The following VPS54 variants were observed in gnomAD, a reference collection of about 807,000 sequenced individuals.
VPS54 encodes the protein vacuolar protein sorting-associated protein 54.
A neutral mutation model predicts 121.5 loss-of-function variants in VPS54; 45 were observed. That is an observed-to-expected ratio of 0.37 (90% confidence interval 0.29 to 0.47). The LOEUF is 0.47. Among genes scored for constraint, VPS54 ranks in the 20% least tolerant of loss-of-function variants. The probability of loss-of-function intolerance (pLI) is 0.99; values close to 1 mark genes in which losing one functional copy is unlikely to be tolerated. For missense variants in VPS54, 1,090 were observed against 1,131.4 expected, an observed-to-expected ratio of 0.96 and a Z score of 0.52; for synonymous variants, 371 against 385.8, an observed-to-expected ratio of 0.96 and a Z score of 0.45.
intron 12 of VPS54, among the ~76,000 whole-genome samples, chr2:63,922,456 CATA>C (rs1251670382): frequency 3.9e-5 from 6 of 152,178 alleles, no homozygotes; most frequent in Non-Finnish European, 7.4e-5. Context: ...CCTTCAAAAT[CATA>C]ATATCACCAA....
intron 12 of VPS54, among the ~76,000 whole-genome samples, chr2:63,932,699 A>T (rs1674269616): frequency 6.6e-6 from 1 of 151,876 alleles, no homozygotes; most frequent in South Asian, 2.1e-4. Context: ...TACTGAGTTG[A>T]TTTATATAAA....
chr2:63,948,904 G>C (rs1017703056), intron 8 of VPS54, 133 bp downstream of exon 8: 2 of 1,015,358 alleles, frequency 2.0e-6, no homozygotes, highest in East Asian at 2.7e-5. Context: ...CACATAGCTA[G>C]TGAAGGACTT....
intron 6 of VPS54, among the ~76,000 whole-genome samples, chr2:63,964,989 T>C (rs1374433328): frequency 6.6e-6 from 1 of 152,218 alleles, no homozygotes; most frequent in Non-Finnish European, 1.5e-5. Context: ...ACTTCTGGAC[T>C]ATGACATTGT....
At chr2:63,995,852 A>T (rs773519518) in intron 1 of VPS54, among the ~76,000 whole-genome samples, 1 of 152,230 alleles carries the variant, frequency 6.6e-6, no homozygotes, top group African/African-American at 2.4e-5. Context: ...ATTGGACATG[A>T]CTAAATTAAA....
chr2:63,952,547 A>G (rs56063748), intron 7 of VPS54, among the ~76,000 whole-genome samples: 1 of 152,174 alleles, frequency 6.6e-6, no homozygotes, highest in Non-Finnish European at 1.5e-5. Context: ...ATTAGTTAAA[A>G]CCATTTGACC....
At chr2:64,013,558 T>C (rs1275346109) in intron 1 of VPS54, among the ~76,000 whole-genome samples, 1 of 147,604 alleles carries the variant, frequency 6.8e-6, no homozygotes, top group Non-Finnish European at 1.5e-5. Context: ...TATATATATA[T>C]GATATATATA....
intron 12 of VPS54, among the ~76,000 whole-genome samples, chr2:63,921,604 T>G (rs1344490354): frequency 2.6e-5 from 4 of 152,128 alleles, no homozygotes; most frequent in African/African-American, 9.7e-5. Context: ...CAGAGCTTAC[T>G]GAAACCTCAA....
At chr2:63,950,015 T>C (rs1675165015) in intron 7 of VPS54, among the ~76,000 whole-genome samples, 1 of 152,186 alleles carries the variant, frequency 6.6e-6, no homozygotes, top group African/African-American at 2.4e-5. Flanking sequence ...TTGAGAACAC[T>C]CATCTCCGTC....
intron 3 of VPS54, among the ~76,000 whole-genome samples, chr2:63,977,543 T>G (rs1223991935): frequency 6.6e-6 from 1 of 152,228 alleles, no homozygotes; most frequent in Non-Finnish European, 1.5e-5. Context: ...ATACTATCTT[T>G]GATTTGTAGC....
intron 9 of VPS54, among the ~76,000 whole-genome samples, chr2:63,945,914 T>G (rs1463774975): frequency 6.6e-6 from 1 of 152,152 alleles, no homozygotes; most frequent in Non-Finnish European, 1.5e-5. Flanking sequence ...TTAAAATATA[T>G]ATACAGAAAA....
intron 1 of VPS54, among the ~76,000 whole-genome samples, chr2:64,001,669 G>T (rs1404001171): frequency 6.6e-6 from 1 of 152,038 alleles, no homozygotes; most frequent in Non-Finnish European, 1.5e-5. Context: ...TTATCCAGGA[G>T]CTAGGGCTTA....
chr2:63,947,464 T>C lies in VPS54; in HGVS notation c.1164A>G (p.Gly388=). 6.5e-7 allele frequency: 1 copy of C among 1,536,814 alleles called. No homozygotes were observed. The highest frequency in any genetic ancestry group is 1.1e-5 in the South Asian group (1 of 87,640). ...EEERLISLVF[G]LLKQRKLNFL... ...AATTAAGCTTTCTTTGTTTTAAAAG[T>C]CCAAATACAAGAGATATTAGTCTTT... Residue 388 remains glycine (G), a synonymous_variant, in exon 9 of 23, where the codon GGA becomes GGG. Transcript: ENST00000272322.
At chr2:64,006,545 T>C (rs1455514959) in intron 1 of VPS54, among the ~76,000 whole-genome samples, 1 of 152,198 alleles carries the variant, frequency 6.6e-6, no homozygotes, top group African/African-American at 2.4e-5. Context: ...AAGATTTAAA[T>C]GAAATAACTT....
chr2:63,929,178 G>A (rs946711352), intron 12 of VPS54, among the ~76,000 whole-genome samples: 29 of 152,052 alleles, frequency 1.9e-4, no homozygotes, highest in African/African-American at 6.5e-4. Context: ...ATAGACATCT[G>A]CAGAACTCTC....
chr2:63,979,033 A>G (rs1466109198), intron 3 of VPS54, among the ~76,000 whole-genome samples: 1 of 152,194 alleles, frequency 6.6e-6, no homozygotes, highest in Admixed American at 6.5e-5. Flanking sequence ...AAATTTCATT[A>G]TTAGGCTTTT....
At chr2:63,950,480 A>G (rs1559015906) in intron 7 of VPS54, among the ~76,000 whole-genome samples, 1 of 152,138 alleles carries the variant, frequency 6.6e-6, no homozygotes, top group East Asian at 1.9e-4. Flanking sequence ...TTCAACACCA[A>G]AAGTACTTTA....
chr2:63,925,245 T>C (rs1453143505), intron 12 of VPS54, among the ~76,000 whole-genome samples: 4 of 152,192 alleles, frequency 2.6e-5, no homozygotes, highest in African/African-American at 9.7e-5. Context: ...GAATAGGCAC[T>C]TCATAGAAAA....
chr2:63,992,336 C>T (rs1677366386), intron 1 of VPS54, among the ~76,000 whole-genome samples: 1 of 152,216 alleles, frequency 6.6e-6, no homozygotes, highest in South Asian at 2.1e-4. Flanking sequence ...CTTAAATTAA[C>T]ATTCCACCTA....
chr2:63,988,882 G>C (rs59156176), intron 1 of VPS54, among the ~76,000 whole-genome samples: 11,165 of 152,204 alleles, frequency 0.073, 857 homozygotes, highest in African/African-American at 0.2. Context: ...CTGGAAGCCA[G>C]GCAGGACAGA....
Sources: gnomAD v4.1 joint callset for allele counts (sites outside exome capture counted in the v4.1 genomes callset) on GRCh38, gnomAD v4.1.1 for gene constraint, MANE v1.5 for transcripts, NCBI Gene and HGNC (gene_info 2026-07-23, HGNC 2026-07-21) for gene names.